The following OR56A3 variants were observed in gnomAD, a reference collection of about 807,000 sequenced individuals.
OR56A3 encodes the protein olfactory receptor 56A3.
A neutral mutation model predicts 17.5 loss-of-function variants in OR56A3; 23 were observed. The ratio of observed to expected loss-of-function variants is 1.32; its 90% CI spans 0.95 to 1.87. OR56A3 has a LOEUF of 1.87. Ranked by LOEUF, OR56A3 falls within the 40% of genes most tolerant of loss-of-function variation. The probability of loss-of-function intolerance (pLI) is 0.00; values close to 1 mark genes in which losing one functional copy is unlikely to be tolerated. For synonymous variants in OR56A3, 175 were observed against 150.6 expected (o/e 1.16, Z -1.19); for missense variants, 366 against 380.1 (o/e 0.96, Z 0.31).
At chr11:5,978,228 C>A in the OR56A3 span, among the ~76,000 whole-genome samples, 1 of 151,976 alleles carries the variant, frequency 6.6e-6, no homozygotes, top group African/African-American at 2.4e-5. Context: ...TAGTTTTTTT[C>A]TGATTCTGTG....
chr11:6,014,989 C>CAAAAAAA, the OR56A3 span, among the ~76,000 whole-genome samples: 21 of 35,200 alleles, frequency 6.0e-4, 2 homozygotes, highest in South Asian at 6.1e-3. Flanking sequence ...TATTCATGGG[C>CAAAAAAA]AAAAAAAAAA....
the OR56A3 span, among the ~76,000 whole-genome samples, chr11:5,966,893 AACAC>A: frequency 5.3e-3 from 774 of 147,226 alleles, 10 homozygotes; most frequent in African/African-American, 0.018. Context: ...CACTTAAAGC[AACAC>A]ACACACACAC....
At chr11:5,976,395 C>G in the OR56A3 span, among the ~76,000 whole-genome samples, 2 of 152,096 alleles carry the variant, frequency 1.3e-5, no homozygotes, top group Non-Finnish European at 2.9e-5. Context: ...TGAGAATTTC[C>G]AGTCACAATT....
the OR56A3 span, among the ~76,000 whole-genome samples, chr11:5,964,748 T>C: frequency 6.6e-6 from 1 of 152,198 alleles, no homozygotes; most frequent in Non-Finnish European, 1.5e-5. Flanking sequence ...ACCTAGAGGT[T>C]CAGTTTACAG....
chr11:5,965,651 C>G, the OR56A3 span, among the ~76,000 whole-genome samples: 1 of 152,092 alleles, frequency 6.6e-6, no homozygotes, highest in African/African-American at 2.4e-5. Context: ...TATATTAAAG[C>G]TCTAGAATAT....
At chr11:5,967,920 CA>C in the OR56A3 span, 3 of 1,594,640 alleles carry the variant, frequency 1.9e-6, no homozygotes, top group Admixed American at 1.7e-5. Flanking sequence ...GATGTCATCA[CA>C]AGAGAGTTTA....
the OR56A3 span, among the ~76,000 whole-genome samples, chr11:6,010,817 ATGTGTG>A: frequency 0.02 from 2,939 of 149,860 alleles, 51 homozygotes; most frequent in African/African-American, 0.051. Flanking sequence ...CAAGACAGAA[ATGTGTG>A]TGTGTGTGTG....
At chr11:5,971,198 T>G in the OR56A3 span, among the ~76,000 whole-genome samples, 1 of 152,190 alleles carries the variant, frequency 6.6e-6, no homozygotes, top group Non-Finnish European at 1.5e-5. Context: ...ACTGACCTAC[T>G]AGGTCATTGC....
At chr11:6,002,368 G>A in the OR56A3 span, 3 of 1,614,178 alleles carry the variant, frequency 1.9e-6, no homozygotes, top group Non-Finnish European at 2.5e-6. Flanking sequence ...GAGCCCAACA[G>A]AGTCCAGCCT....
chr11:5,966,893 A>AACACACACACACACAC, the OR56A3 span, among the ~76,000 whole-genome samples: 2,207 of 147,140 alleles, frequency 0.015, 56 homozygotes, highest in African/African-American at 0.052. Context: ...CACTTAAAGC[A>AACACACACACACACAC]ACACACACAC....
chr11:6,002,070 T>G, the OR56A3 span: 3 of 1,593,496 alleles, frequency 1.9e-6, no homozygotes, highest in East Asian at 4.5e-5. Flanking sequence ...CTTCAGCAGG[T>G]TTTGGATTCC....
the OR56A3 span, among the ~76,000 whole-genome samples, chr11:6,018,779 T>A: frequency 6.6e-6 from 1 of 151,566 alleles, no homozygotes; most frequent in African/African-American, 2.4e-5. Flanking sequence ...TTGATAAACC[T>A]CTAGCTAGAC....
the OR56A3 span, among the ~76,000 whole-genome samples, chr11:5,972,786 G>C: frequency 0.022 from 3,339 of 152,196 alleles, 51 homozygotes; most frequent in South Asian, 0.041. Context: ...CTGCCACCAC[G>C]CCCAGCTAAT....
At chr11:5,986,265 C>G in the OR56A3 span, 1 of 1,613,960 alleles carries the variant, frequency 6.2e-7, no homozygotes, top group Non-Finnish European at 8.5e-7. Flanking sequence ...CAATCACAAG[C>G]AAGGCCATAG....
chr11:5,975,135 A>G, the OR56A3 span, among the ~76,000 whole-genome samples: 29 of 152,336 alleles, frequency 1.9e-4, no homozygotes, highest in African/African-American at 7.0e-4. Flanking sequence ...TATTGTGGAG[A>G]TAAAATACAA....
chr11:5,986,008 A>G, the OR56A3 span: 1 of 1,613,076 alleles, frequency 6.2e-7, no homozygotes, highest in Non-Finnish European at 8.5e-7. Flanking sequence ...TCCATAGACA[A>G]GAGGATTGAG....
the OR56A3 span, among the ~76,000 whole-genome samples, chr11:6,015,065 T>C: frequency 6.9e-6 from 1 of 143,896 alleles, no homozygotes; most frequent in Non-Finnish European, 1.5e-5. Flanking sequence ...GCATAAAAGT[T>C]TGAAAAATTT....
At chr11:5,968,386 G>C in the OR56A3 span, 1 of 1,613,628 alleles carries the variant, frequency 6.2e-7, no homozygotes, top group Non-Finnish European at 8.5e-7. Flanking sequence ...AGGAGGAAGA[G>C]GAGGCTGAGG....
chr11:5,947,936 C>T lies in OR56A3; in HGVS notation c.590C>T (p.Thr197Ile), dbSNP rs1564799937. ...SVSRLSCDDV[T>I]INHLYQFAGG... ...TCCAGACTCTCCTGCGATGATGTCA[C>T]CATCAATCACCTTTACCAATTTGCT... The change falls in exon 3 of 3, where the codon ACC becomes ATC. Residue 197 changes from threonine to isoleucine, a missense_variant. Physicochemically the swap from Thr to Ile is moderately conservative, Grantham distance 89 (BLOSUM62 -1). Transcript: ENST00000641160. 9 of 1,614,028 alleles carry T rather than the reference C, an allele frequency of 5.6e-6. No homozygotes were observed. Among genetic ancestry groups the T allele is most frequent in the Non-Finnish European group, 7.6e-6 (9 of 1,179,880 alleles).
Sources: gnomAD v4.1 joint callset for allele counts (sites outside exome capture counted in the v4.1 genomes callset) on GRCh38, gnomAD v4.1.1 for gene constraint, MANE v1.5 for transcripts, NCBI Gene and HGNC (gene_info 2026-07-23, HGNC 2026-07-21) for gene names.